SPOCK1: variants seen among roughly 807,000 people sequenced by gnomAD.
SPOCK1 encodes the protein testican-1.
A neutral mutation model predicts 55.3 loss-of-function variants in SPOCK1; 23 were observed. That is an observed-to-expected ratio of 0.42 (90% CI 0.30 to 0.59). SPOCK1 has a LOEUF of 0.59. SPOCK1 is among the 20% of genes least tolerant of loss of function. The pLI is 0.22. For synonymous variants in SPOCK1, 226 were observed against 221.0 expected, an observed-to-expected ratio of 1.02 and a Z score of -0.20; for missense variants, 499 against 552.5, an observed-to-expected ratio of 0.90 and a Z score of 0.97.
intron 2 of SPOCK1, among the ~76,000 whole-genome samples, chr5:137,350,171 G>A (rs1750648540): frequency 6.6e-6 from 1 of 152,152 alleles, no homozygotes; most frequent in Non-Finnish European, 1.5e-5. Context: ...ACAGGAATGA[G>A]ACTGCCCCCC....
At chr5:137,391,833 C>T (rs1291191091) in intron 2 of SPOCK1, among the ~76,000 whole-genome samples, 1 of 152,166 alleles carries the variant, frequency 6.6e-6, no homozygotes, top group East Asian at 1.9e-4. Flanking sequence ...AGCCTTCTCC[C>T]CTAGCCCTGC....
In SPOCK1 at chr5:137,115,688, G is replaced by A. The variant is rs976072114; in HGVS notation, c.348-3127C>T. ...ATGAAACAAGAATACCTGTTAGATG[G>A]GGGCAAACTCAGCTGTTGCTTACCT... On this transcript the variant is annotated intron_variant, in intron 4 of 10. Transcript: ENST00000394945. 2.0e-5 allele frequency among the ~76,000 whole-genome samples: 3 copies of A among 152,134 alleles called. No individual in the cohort carries two copies. In the East Asian group the frequency reaches 5.8e-4, roughly 29 times the overall value.
chr5:137,009,113 C>G (rs1330623892), intron 6 of SPOCK1, among the ~76,000 whole-genome samples: 1 of 152,086 alleles, frequency 6.6e-6, no homozygotes, highest in Non-Finnish European at 1.5e-5. Flanking sequence ...TATTTTCAGA[C>G]CAGGTCACAA....
chr5:137,378,476 A>G (rs940299359), intron 2 of SPOCK1, among the ~76,000 whole-genome samples: 4 of 152,250 alleles, frequency 2.6e-5, no homozygotes, highest in African/African-American at 9.6e-5. Context: ...GTTGAGCTAA[A>G]TGGCGGTAAC....
At chr5:136,990,168 C>T (rs1476754010) in intron 7 of SPOCK1, among the ~76,000 whole-genome samples, 1 of 152,068 alleles carries the variant, frequency 6.6e-6, no homozygotes, top group Non-Finnish European at 1.5e-5. Context: ...TCTTGGCCTC[C>T]CAAAGTACTG....
chr5:137,018,091 C>A (rs1037610081), intron 6 of SPOCK1, among the ~76,000 whole-genome samples: 3 of 152,222 alleles, frequency 2.0e-5, no homozygotes, highest in African/African-American at 7.2e-5. Context: ...TGTGTGGAGA[C>A]ACTTTTGTCC....
At chr5:137,136,124 T>A (rs1222348774) in intron 4 of SPOCK1, among the ~76,000 whole-genome samples, 1 of 152,252 alleles carries the variant, frequency 6.6e-6, no homozygotes, top group Admixed American at 6.5e-5. Context: ...CTTTTTGCAT[T>A]ACAGTTCAGG....
intron 2 of SPOCK1, among the ~76,000 whole-genome samples, chr5:137,433,030 C>T (rs1752782454): frequency 6.6e-6 from 1 of 152,182 alleles, no homozygotes; most frequent in Non-Finnish European, 1.5e-5. Flanking sequence ...CAAATGGTTT[C>T]CTGCCCTGTG....
In SPOCK1 at chr5:137,362,623, C is replaced by T. The variant is rs1750976159; in HGVS notation, c.187-95568G>A. ...GATTATAGGCATGAGCCACCGCGCC[C>T]GGCCAGCAAACTTTTAATGTAAAGG... On this transcript the variant is annotated intron_variant, in intron 2 of 10. Coordinates refer to ENST00000394945, the MANE Select transcript of SPOCK1 (RefSeq NM_004598.4). Among the ~76,000 whole-genome samples, 9 of 152,280 alleles carry T rather than the reference C, an allele frequency of 5.9e-5. No homozygotes were observed. The South Asian group carries it at 1.7e-3, about 28-fold the overall frequency.
chr5:137,333,499 C>T (rs567868711), intron 2 of SPOCK1, among the ~76,000 whole-genome samples: 1 of 152,288 alleles, frequency 6.6e-6, no homozygotes, highest in African/African-American at 2.4e-5. Context: ...CATGAAGTAG[C>T]CTCCCTGGTC....
chr5:137,094,464 G>C (rs1191176333), intron 5 of SPOCK1, among the ~76,000 whole-genome samples: 1 of 152,196 alleles, frequency 6.6e-6, no homozygotes, highest in East Asian at 1.9e-4. Flanking sequence ...CAAATTTTTT[G>C]GCTTCCTGGT....
At chr5:137,295,523 A>T (rs930079865) in intron 2 of SPOCK1, among the ~76,000 whole-genome samples, 1 of 152,246 alleles carries the variant, frequency 6.6e-6, no homozygotes, top group African/African-American at 2.4e-5. Flanking sequence ...TTTAAGAAAA[A>T]TACAACTTTA....
chr5:137,010,227 T>A (rs1421785682), intron 6 of SPOCK1, among the ~76,000 whole-genome samples: 1 of 152,016 alleles, frequency 6.6e-6, no homozygotes, highest in African/African-American at 2.4e-5. Context: ...AAAGTCGGCA[T>A]CAATATATGT....
At chr5:137,441,806 T>C (rs1414654118) in intron 2 of SPOCK1, among the ~76,000 whole-genome samples, 1 of 152,264 alleles carries the variant, frequency 6.6e-6, no homozygotes, top group Admixed American at 6.5e-5. Context: ...GGAATGTTTC[T>C]GTCTATGTAG....
Position 137,459,071 on chromosome 5 carries a change from A to G in SPOCK1, c.186+39302T>C, listed in dbSNP as rs145639683. 2.0e-4 allele frequency among the ~76,000 whole-genome samples: 30 copies of G among 152,348 alleles called. 1 individual carries two copies. In the East Asian group the frequency reaches 5.6e-3, roughly 28 times the overall value. On this transcript the variant is annotated intron_variant, in intron 2 of 10. Coordinates refer to ENST00000394945, the MANE Select transcript of SPOCK1 (RefSeq NM_004598.4). ...TCCAGTGAGTGAGGCTGGCAGCCCA[A>G]GTCCAATGCCCTATATCGAGTGAGT...
chr5:137,345,851 G>A (rs750488208), intron 2 of SPOCK1, among the ~76,000 whole-genome samples: 4 of 152,176 alleles, frequency 2.6e-5, no homozygotes, highest in Non-Finnish European at 4.4e-5. Flanking sequence ...GGGAAGAGAA[G>A]GCTACCAGAT....
At chr5:137,174,225 T>C (rs76390839) in intron 3 of SPOCK1, among the ~76,000 whole-genome samples, 2,037 of 152,338 alleles carry the variant, frequency 0.013, 45 homozygotes, top group African/African-American at 0.045. Flanking sequence ...AGGGACTCTT[T>C]CTGCAACTTC....
chr5:137,096,171 C>T (rs985256705), intron 5 of SPOCK1, among the ~76,000 whole-genome samples: 1 of 152,146 alleles, frequency 6.6e-6, no homozygotes, highest in African/African-American at 2.4e-5. Context: ...CCTCAGCCCC[C>T]CAAGTATAGC....
chr5:137,402,851 T>C (rs1243370082), intron 2 of SPOCK1, among the ~76,000 whole-genome samples: 1 of 152,202 alleles, frequency 6.6e-6, no homozygotes, highest in African/African-American at 2.4e-5. Flanking sequence ...ACAAATAATT[T>C]TACTTAAAGT....
Sources: gnomAD v4.1 joint callset for allele counts (sites outside exome capture counted in the v4.1 genomes callset) on GRCh38, gnomAD v4.1.1 for gene constraint, MANE v1.5 for transcripts, NCBI Gene and HGNC (gene_info 2026-07-23, HGNC 2026-07-21) for gene names.